RGL4: variants seen among roughly 807,000 people sequenced by gnomAD.
RGL4 encodes ral guanine nucleotide dissociation stimulator like 4.
A neutral mutation model predicts 49.6 loss-of-function variants in RGL4; 41 were observed. The observed-to-expected ratio is 0.83, with a 90% CI of 0.64 to 1.07. RGL4 has a LOEUF of 1.07. Ranked by LOEUF, RGL4 falls within the 50% of genes least tolerant of loss-of-function variation. The probability of loss-of-function intolerance (pLI) is 0.00; values close to 1 mark genes in which losing one functional copy is unlikely to be tolerated. For missense variants in RGL4, 610 were observed against 591.9 expected (o/e 1.03, Z -0.32); for synonymous variants, 255 against 238.0 (o/e 1.07, Z -0.66).
rs1467336557 is a variant in RGL4 at position 23,698,957 on chromosome 22, C to T, written c.*74C>T. 1 of 1,583,968 alleles carries T rather than the reference C, an allele frequency of 6.3e-7. No individual in the cohort carries two copies. Among genetic ancestry groups the T allele is most frequent in the Non-Finnish European group, 8.6e-7 (1 of 1,164,764 alleles). ...AACACCGGCTCTGCACCATCCCTCA[C>T]CCAGACCGTAGACACCAGGGAACCA... On this transcript the variant is annotated 3_prime_UTR_variant, in exon 11 of 11. Transcript: ENST00000290691.
In RGL4 at chr22:23,698,829, T is replaced by G; in HGVS notation, c.1383-15T>G. On this transcript the variant is annotated splice_polypyrimidine_tract_variant and intron_variant, in intron 10 of 10. Transcript: ENST00000290691. The stretch of plus-strand genomic sequence containing the variant: ...TGGCTCATGGTGGCCTCACAGCTGC[T>G]TCTCTGTCCTGCAGCTACAAGCTGT... 6.2e-7 allele frequency: 1 copy of G among 1,608,200 alleles called. No individual in the cohort carries two copies. Among genetic ancestry groups the G allele is most frequent in the Middle Eastern group, 1.7e-4 (1 of 6,030 alleles).
chr22:23,694,286 C>T, intron 4 of RGL4, 61 bp from the exon 5 acceptor site: 1 of 1,285,028 alleles, frequency 7.8e-7, no homozygotes, highest in Non-Finnish European at 1.1e-6. Context: ...GCAGAGGGGG[C>T]TGAGGCTGTA....
In RGL4 at chr22:23,692,652, C is replaced by T; in HGVS notation, c.374-17C>T. On this transcript the variant is annotated splice_polypyrimidine_tract_variant and intron_variant, in intron 2 of 10. Coordinates refer to ENST00000290691, the MANE Select transcript of RGL4 (RefSeq NM_153615.2). The stretch of plus-strand genomic sequence containing the variant: ...AGTGAAAAATGACTGGTGTGGTGAC[C>T]TTTTCTCCTTTTCCAGATCCTGCTC... The T allele has an allele frequency of 6.3e-7, 1 of 1,580,994 alleles. No homozygotes were observed. Among genetic ancestry groups the T allele is most frequent in the Non-Finnish European group, 8.6e-7 (1 of 1,160,692 alleles).
In RGL4 at chr22:23,693,870, T is replaced by C; in HGVS notation, c.808T>C (p.Phe270Leu). Residue 270 changes from phenylalanine to leucine, a missense_variant, in exon 4 of 11, where the codon TTC becomes CTC. Coordinates refer to ENST00000290691, the MANE Select transcript of RGL4 (RefSeq NM_153615.2). ...APTVRATIAHFNRLTNCITTS... is the reference protein window; with the variant it reads ...APTVRATIAHLNRLTNCITTS... The stretch of plus-strand genomic sequence containing the variant: ...CACAGTTCGTGCCACCATCGCACAC[T>C]TCAACAGGCTCACCAACTGCATCAC... 6.2e-7 allele frequency: 1 copy of C among 1,613,992 alleles called. No individual in the cohort carries two copies. The highest frequency in any genetic ancestry group is 8.5e-7 in the Non-Finnish European group (1 of 1,180,026).
In RGL4 at chr22:23,691,928, C is replaced by A; in HGVS notation, c.-103C>A. On this transcript the variant is annotated 5_prime_UTR_variant, in exon 1 of 11. Transcript: ENST00000290691. Reference sequence around the variant, plus strand: ...ACAGCTGGCCACTGAGAGACCCATCCCCCTCAGCACCGTGGCTTCCCAGCT... The same window carrying A: ...ACAGCTGGCCACTGAGAGACCCATCACCCTCAGCACCGTGGCTTCCCAGCT... The A allele has an allele frequency of 5.7e-6, 7 of 1,223,744 alleles. No individual in the cohort carries two copies. The highest frequency in any genetic ancestry group is 4.6e-6 in the Non-Finnish European group (4 of 867,216). The allele number at this position is 1,223,744 out of a possible 1,614,324, so 75.8% of individuals were successfully genotyped here.
Position 23,693,777 on chromosome 22 carries a change from G to A in RGL4, c.715G>A (p.Val239Met). 6.2e-7 allele frequency: 1 copy of A among 1,614,054 alleles called. No individual in the cohort carries two copies. Among genetic ancestry groups the A allele is most frequent in the Non-Finnish European group, 8.5e-7 (1 of 1,180,010 alleles). The change falls in exon 4 of 11, where the codon GTG (valine) becomes ATG (methionine). Residue 239 changes from valine (V) to methionine (M), a missense_variant. Transcript: ENST00000290691. Reference sequence around the variant, plus strand: ...CCCAAAGGAGCTGTTCAAGAAGGTGGTGCTCCACGAATGCTTGGGCTGCAT... The same window carrying A: ...CCCAAAGGAGCTGTTCAAGAAGGTGATGCTCCACGAATGCTTGGGCTGCAT... Reference protein sequence around the residue: ...LMDAELFKKVVLHECLGCIWG... With the variant: ...LMDAELFKKVMLHECLGCIWG...
chr22:23,692,803 T>TCAGCACCAGGGCCAGCAC lies in RGL4; in HGVS notation c.520_537dup (p.Pro174_Gly179dup). On this transcript the variant is annotated inframe_insertion, in exon 3 of 11. Transcript: ENST00000290691. ...CCTGGGTCCACCAGGATATCTACAT[T>TCAGCACCAGGGCCAGCAC]CAGCACCAGGGCCAGCACCAGCACC... 6.2e-7 allele frequency: 1 copy of TCAGCACCAGGGCCAGCAC among 1,613,418 alleles called. No individual in the cohort carries two copies. Among genetic ancestry groups the TCAGCACCAGGGCCAGCAC allele is most frequent in the Non-Finnish European group, 8.5e-7 (1 of 1,179,960 alleles).
At chr22:23,696,397 G>A in intron 6 of RGL4, 1 of 1,501,418 alleles carries the variant, frequency 6.7e-7, no homozygotes, top group Admixed American at 2.1e-5. Context: ...TGAGGTAGCT[G>A]TGGTTTGCAT....
rs1393805643 is a variant in RGL4, at chr22:23,692,882, C to G, written c.587C>G (p.Ser196Cys). The G allele has an allele frequency of 8.1e-6, 13 of 1,613,650 alleles. No individual in the cohort carries two copies. In the East Asian group the frequency reaches 2.7e-4, roughly 33 times the overall value. The stretch of plus-strand genomic sequence containing the variant: ...CTGGAGCCACAGTCAGCCCCAGAGT[C>G]CTCCTGTCCCTGTCGTGGGTCTGTA... ...TVLEPQSAPE[S>C]SCPCRGSVKN... The change falls in exon 3 of 11, where the codon TCC (serine) becomes TGC (cysteine). Residue 196 changes from serine to cysteine, a missense_variant. Coordinates refer to ENST00000290691, the MANE Select transcript of RGL4 (RefSeq NM_153615.2).
chr22:23,698,093 C>T (rs891145950), intron 9 of RGL4, 119 bp from the exon 10 acceptor site: 25 of 1,348,126 alleles, frequency 1.9e-5, no homozygotes, highest in African/African-American at 4.4e-5. Context: ...AGGCTGGGGG[C>T]GCTGCATGGG....
Position 23,691,512 on chromosome 22 carries a change from G to A in RGL4, c.-519G>A, listed in dbSNP as rs1923136086. On this transcript the variant is annotated 5_prime_UTR_variant, in exon 1 of 11. Transcript: ENST00000290691. ...TTGGCATAATTTCATAAACAAAGCA[G>A]ATGACAATCCCCCGGCCTTGATTCT... The A allele has an allele frequency of 6.5e-6, 1 of 154,150 alleles. No homozygotes were observed. Among genetic ancestry groups the A allele is most frequent in the Non-Finnish European group, 1.4e-5 (1 of 69,224 alleles). 9.5% of individuals were successfully genotyped at this position (154,150 alleles called of 1,614,324 possible).
intron 6 of RGL4, chr22:23,696,308 C>T (rs949939557): frequency 1.1e-5 from 14 of 1,307,278 alleles, no homozygotes; most frequent in African/African-American, 9.1e-5. Context: ...TGAGGGTGCT[C>T]GTGCCTGGTT....
intron 9 of RGL4, 50 bp downstream of exon 9, chr22:23,697,911 AC>A: frequency 6.3e-7 from 1 of 1,577,028 alleles, no homozygotes; most frequent in Non-Finnish European, 8.6e-7. Context: ...TGTGGACGTC[AC>A]AGTCCACCCT....
rs200762994 is a variant in RGL4 at position 23,693,924 on chromosome 22, A to G, written c.862A>G (p.Arg288Gly). 1 of 1,613,730 alleles carries G rather than the reference A, an allele frequency of 6.2e-7. No individual in the cohort carries two copies. The highest frequency in any genetic ancestry group is 1.3e-5 in the African/African-American group (1 of 74,922). ...TTSCLGDHSM[R>G]ARDRARVVEH... ...CTCCTGCCTCGGGGACCACAGCATGAGGGCCCGGGACAGGGCCAGGGTGGT... is the reference window on the plus strand; with the variant it reads ...CTCCTGCCTCGGGGACCACAGCATGGGGGCCCGGGACAGGGCCAGGGTGGT... The change falls in exon 4 of 11, where the codon AGG becomes GGG. Residue 288 changes from arginine (R) to glycine (G), a missense_variant. Physicochemically the swap from Arg to Gly is moderately radical, Grantham distance 125. Transcript: ENST00000290691.
In RGL4 at chr22:23,691,710, C is replaced by G. The variant is rs1469995478; in HGVS notation, c.-321C>G. Reference sequence around the variant, plus strand: ...GGGTGGATTTAGGGTTCTGAAGGGCCTTTTCACCCACAAAACATGGGGGAA... The same window carrying G: ...GGGTGGATTTAGGGTTCTGAAGGGCGTTTTCACCCACAAAACATGGGGGAA... On this transcript the variant is annotated 5_prime_UTR_variant, in exon 1 of 11. Transcript: ENST00000290691. The G allele has an allele frequency of 3.6e-6, 1 of 280,406 alleles. No individual in the cohort carries two copies. The highest frequency in any genetic ancestry group is 2.1e-5 in the African/African-American group (1 of 47,210). The allele number at this position is 280,406 out of a possible 1,614,324, so 17.4% of individuals were successfully genotyped here. A position where few individuals can be genotyped will look rare whatever the true frequency, so the allele number is the denominator to read the frequency against.
intron 4 of RGL4, 82 bp from the exon 5 acceptor site, chr22:23,694,265 G>A: frequency 9.2e-6 from 10 of 1,088,348 alleles, no homozygotes; most frequent in Admixed American, 3.4e-5. Context: ...CATCCAGGAG[G>A]GGAGATCTCA....
intron 3 of RGL4, 40 bp downstream of exon 3, chr22:23,693,031 G>A (rs1384198760): frequency 6.5e-7 from 1 of 1,546,908 alleles, no homozygotes; most frequent in South Asian, 1.2e-5. Flanking sequence ...TCTGGCACCA[G>A]CTGTCTCAGA....
In RGL4 at chr22:23,697,022, C is replaced by T. The variant is rs1192802076; in HGVS notation, c.1162-149C>T. On this transcript the variant is annotated intron_variant, in intron 7 of 10. Coordinates refer to ENST00000290691, the MANE Select transcript of RGL4 (RefSeq NM_153615.2). ...AGAATTGGGAAAGGCAGCTGAGGGT[C>T]TTTGGCTGCTCCAACCGGGAGACCT... 7.3e-6 allele frequency: 5 copies of T among 683,312 alleles called. No homozygotes were observed. The East Asian group carries it at 1.3e-4, about 18-fold the overall frequency. The allele number at this position is 683,312 out of a possible 1,614,324, so 42.3% of individuals were successfully genotyped here.
In RGL4 at chr22:23,698,339, G is replaced by C; in HGVS notation, c.1382+6G>C. The C allele has an allele frequency of 6.3e-7, 1 of 1,598,788 alleles. No homozygotes were observed. Among genetic ancestry groups the C allele is most frequent in the Non-Finnish European group, 8.6e-7 (1 of 1,167,752 alleles). ...CAGCTCAGTGACAAAGAGAGGTGAG[G>C]GCCTAGCCCATGGGCTGAGGGTGGG... On this transcript the variant is annotated splice_donor_region_variant and intron_variant, in intron 10 of 10. Transcript: ENST00000290691.
Sources: allele counts gnomAD v4.1 joint callset, GRCh38; gene constraint gnomAD v4.1.1; transcripts MANE v1.5; gene names NCBI Gene and HGNC (gene_info 2026-07-23, HGNC 2026-07-21).